The following ZC3H12B variants were observed in gnomAD, a reference collection of about 807,000 sequenced individuals.
The protein encoded by ZC3H12B is probable ribonuclease ZC3H12B.
A neutral mutation model predicts 43.9 loss-of-function variants in ZC3H12B; 7 were observed. The observed-to-expected ratio is 0.16, with a 90% CI of 0.09 to 0.30. The LOEUF (loss-of-function observed/expected upper bound fraction) is 0.30, where lower values mean the gene tolerates loss of function less well. Ranked by LOEUF, ZC3H12B falls within the 10% of genes least tolerant of loss-of-function variation. The pLI is 1.00. For synonymous variants in ZC3H12B, 222 were observed against 241.7 expected (o/e 0.92, Z 0.76); for missense variants, 475 against 670.2 (o/e 0.71, Z 3.22).
chrX:65,297,335 G>A, the ZC3H12B span, among the ~76,000 whole-genome samples: 3 of 110,949 alleles, frequency 2.7e-5, no homozygotes, highest in Non-Finnish European at 5.7e-5. Flanking sequence ...TGAATCAGTA[G>A]CATTGCTGTA....
the ZC3H12B span, among the ~76,000 whole-genome samples, chrX:65,222,088 A>G: frequency 8.9e-6 from 1 of 111,981 alleles, no homozygotes; most frequent in East Asian, 2.8e-4. Flanking sequence ...AACAGAATTA[A>G]AAACAAAACT....
intron 3 of ZC3H12B, among the ~76,000 whole-genome samples, chrX:65,419,638 C>T (rs1240824912): frequency 9.0e-6 from 1 of 111,225 alleles, no homozygotes; most frequent in Non-Finnish European, 1.9e-5. Context: ...AGCCCCAGGC[C>T]CACCACAGTG....
intron 3 of ZC3H12B, among the ~76,000 whole-genome samples, chrX:65,399,685 T>C (rs1245938027): frequency 8.9e-6 from 1 of 112,059 alleles, no homozygotes; most frequent in Non-Finnish European, 1.9e-5. Context: ...GTTAGATATA[T>C]ACCCAAAAGA....
chrX:65,311,587 G>A, the ZC3H12B span, among the ~76,000 whole-genome samples: 69 of 111,896 alleles, frequency 6.2e-4, no homozygotes, highest in African/African-American at 2.0e-3. Flanking sequence ...ACAATGTGGT[G>A]ATTCCTCAAG....
At chrX:65,054,157 G>C in the ZC3H12B span, among the ~76,000 whole-genome samples, 2 of 111,626 alleles carry the variant, frequency 1.8e-5, no homozygotes, top group African/African-American at 6.5e-5. Context: ...CATTGCTTTT[G>C]GTGTTTTAGA....
chrX:65,440,781 T>C (rs1225993784), intron 3 of ZC3H12B, among the ~76,000 whole-genome samples: 1 of 112,207 alleles, frequency 8.9e-6, no homozygotes, highest in Admixed American at 9.4e-5. Flanking sequence ...ACATTCTTCA[T>C]TTACCTGATT....
At chrX:65,178,165 G>T in the ZC3H12B span, among the ~76,000 whole-genome samples, 2 of 112,211 alleles carry the variant, frequency 1.8e-5, no homozygotes, top group African/African-American at 6.5e-5. Context: ...AATGGGGAAA[G>T]TATTCCCTAT....
chrX:65,328,027 A>T, the ZC3H12B span: 1 of 262,629 alleles, frequency 3.8e-6, no homozygotes, highest in African/African-American at 2.8e-5. Flanking sequence ...GAGCCACTTG[A>T]TAATTGCTGG....
chrX:65,267,700 G>T, the ZC3H12B span, among the ~76,000 whole-genome samples: 1 of 111,515 alleles, frequency 9.0e-6, no homozygotes, highest in East Asian at 2.8e-4. Flanking sequence ...GAAATCAAAA[G>T]GGGAATTTTT....
the ZC3H12B span, among the ~76,000 whole-genome samples, chrX:65,162,711 A>G: frequency 9.0e-6 from 1 of 111,693 alleles, no homozygotes; most frequent in African/African-American, 3.3e-5. Flanking sequence ...CTTTGGTTTG[A>G]ATTTCCTCCT....
At chrX:65,446,459 AT>A (rs764944621) in intron 3 of ZC3H12B, among the ~76,000 whole-genome samples, 66 of 111,445 alleles carry the variant, frequency 5.9e-4, no homozygotes, top group Non-Finnish European at 6.0e-4. Flanking sequence ...TGCCTTTCAA[AT>A]TTATTTAGGA....
At chrX:65,285,106 A>G in the ZC3H12B span, among the ~76,000 whole-genome samples, 1 of 105,838 alleles carries the variant, frequency 9.4e-6, no homozygotes, top group Non-Finnish European at 1.9e-5. Flanking sequence ...CTAGCAAGAG[A>G]ATAATTATTA....
intron 3 of ZC3H12B, among the ~76,000 whole-genome samples, chrX:65,473,101 C>T (rs770659778): frequency 1.9e-5 from 2 of 103,697 alleles, no homozygotes; most frequent in East Asian, 6.0e-4. Context: ...GCAACCTCTG[C>T]CTCCCGGGTT....
chrX:65,304,500 C>T, the ZC3H12B span, among the ~76,000 whole-genome samples: 2 of 109,069 alleles, frequency 1.8e-5, no homozygotes, highest in Middle Eastern at 4.8e-3. Context: ...CCTGTAGTCC[C>T]GGCTACTCGG....
At chrX:65,187,599 G>T in the ZC3H12B span, among the ~76,000 whole-genome samples, 1 of 109,269 alleles carries the variant, frequency 9.2e-6, no homozygotes, top group Admixed American at 9.8e-5. Context: ...ATTATTAATG[G>T]CAAAAACCGC....
the ZC3H12B span, among the ~76,000 whole-genome samples, chrX:65,065,138 T>G: frequency 9.0e-6 from 1 of 110,928 alleles, no homozygotes; most frequent in Non-Finnish European, 1.9e-5. Context: ...TTAGCCCATT[T>G]ACTTTTAAGG....
At chrX:65,130,459 G>A in the ZC3H12B span, among the ~76,000 whole-genome samples, 26 of 111,209 alleles carry the variant, frequency 2.3e-4, no homozygotes, top group South Asian at 9.3e-3. Context: ...CTGACTCGGG[G>A]CATGTGAGTA....
intron 3 of ZC3H12B, among the ~76,000 whole-genome samples, chrX:65,407,853 C>A (rs2066852990): frequency 8.8e-6 from 1 of 113,419 alleles, no homozygotes; most frequent in African/African-American, 3.2e-5. Context: ...CCTGGGGCGC[C>A]CACTAATGTG....
chrX:65,076,269 T>A, the ZC3H12B span, among the ~76,000 whole-genome samples: 1 of 110,015 alleles, frequency 9.1e-6, no homozygotes, highest in Non-Finnish European at 1.9e-5. Flanking sequence ...ACCCTGTAGC[T>A]AAGACTACAG....
Sources: gnomAD v4.1 joint callset for allele counts (sites outside exome capture counted in the v4.1 genomes callset) on GRCh38, gnomAD v4.1.1 for gene constraint, MANE v1.5 for transcripts, NCBI Gene and HGNC (gene_info 2026-07-23, HGNC 2026-07-21) for gene names.